Variants in TBC1D21 observed in about 807,000 individuals in gnomAD.
TBC1D21 encodes the protein TBC1 domain family member 21, also known as male germ cell Rab GTPase-activating protein.
In TBC1D21, 38 loss-of-function variants were observed where a neutral mutation model predicts 46.0. That is an observed-to-expected ratio of 0.83 (90% CI 0.64 to 1.08). TBC1D21 has a LOEUF of 1.08. Ranked by LOEUF, TBC1D21 falls within the 50% of genes least tolerant of loss-of-function variation. The pLI, the probability that TBC1D21 is intolerant of heterozygous loss-of-function variation, is 0.00. For missense variants in TBC1D21, 415 were observed against 417.9 expected (o/e 0.99, Z 0.06); for synonymous variants, 151 against 157.2 (o/e 0.96, Z 0.29).
chr15:73,890,824 C>T (rs140766664), downstream of TBC1D21, among the ~76,000 whole-genome samples: 122 of 152,312 alleles, frequency 8.0e-4, no homozygotes, highest in African/African-American at 2.6e-3. Context: ...AGGAGCCCAG[C>T]GGATGAAGTT....
intron 1 of TBC1D21, among the ~76,000 whole-genome samples, chr15:73,874,457 A>C (rs1453940234): frequency 6.6e-6 from 1 of 152,214 alleles, no homozygotes; most frequent in East Asian, 1.9e-4. Flanking sequence ...GAATGTTCTA[A>C]ATGCTTTATT....
At chr15:73,876,765 CT>C (rs953056444) in intron 1 of TBC1D21, among the ~76,000 whole-genome samples, 5 of 152,110 alleles carry the variant, frequency 3.3e-5, no homozygotes, top group Admixed American at 1.3e-4. Context: ...TTGTGTTTGA[CT>C]TTTTTTCGTA....
chr15:73,887,698 G>T lies in TBC1D21; in HGVS notation c.856G>T (p.Val286Leu). The T allele has an allele frequency of 6.2e-7, 1 of 1,613,972 alleles. No individual in the cohort carries two copies. Residue 286 changes from valine to leucine, a missense_variant, in exon 9 of 11, where the codon GTG becomes TTG. Coordinates refer to ENST00000300504, the MANE Select transcript of TBC1D21 (RefSeq NM_153356.3). Reference sequence around the variant, plus strand: ...CATGCTGCAGATGGTGCGGGAGCAGGTGCTGCAGGAAAGCATGGGCGGGGA... The same window carrying T: ...CATGCTGCAGATGGTGCGGGAGCAGTTGCTGCAGGAAAGCATGGGCGGGGA... ...YSMLQMVREQVLQESMGGDDI... is the reference protein window; with the variant it reads ...YSMLQMVREQLLQESMGGDDI...
At chr15:73,908,684 C>T in the TBC1D21 span, 1 of 152,712 alleles carries the variant, frequency 6.5e-6, no homozygotes, top group Non-Finnish European at 1.5e-5. Context: ...CTGACCACAG[C>T]AGCTGCTTAC....
chr15:73,886,351 A>G (rs1051292232), intron 7 of TBC1D21, among the ~76,000 whole-genome samples, 161 bp from the exon 8 acceptor site: 2 of 152,188 alleles, frequency 1.3e-5, no homozygotes, highest in Non-Finnish European at 2.9e-5. Flanking sequence ...GACAGTTGAA[A>G]GTTGACTCTA....
At chr15:73,888,967 T>C in intron 10 of TBC1D21, 102 bp from the exon 11 acceptor site, 1 of 1,419,304 alleles carries the variant, frequency 7.0e-7, no homozygotes, top group Non-Finnish European at 9.8e-7. Flanking sequence ...TCCCAGTGGG[T>C]CTGGGCACCC....
chr15:73,881,659 G>T lies in TBC1D21; in HGVS notation c.184G>T (p.Val62Leu), dbSNP rs778315942. The T allele has an allele frequency of 1.9e-6, 3 of 1,612,820 alleles. No homozygotes were observed. Among genetic ancestry groups the T allele is most frequent in the East Asian group, 4.5e-5 (2 of 44,760 alleles). Residue 62 changes from valine to leucine, a missense_variant, in exon 3 of 11, where the codon GTG (valine) becomes TTG (leucine). By Grantham distance (32) the Val-to-Leu change is conservative (BLOSUM62 1). Transcript: ENST00000300504. ...NILERGLHPF[V>L]RTEAWKFLTG... ...CCCACCCCAGGGTCTGCACCCCTTC[G>T]TGAGGACTGAAGCCTGGAAATTCCT...
the TBC1D21 span, among the ~76,000 whole-genome samples, chr15:73,896,821 G>A: frequency 6.6e-6 from 1 of 152,170 alleles, no homozygotes; most frequent in Admixed American, 6.5e-5. Context: ...GGAAATCCCA[G>A]CCCCCATTAG....
chr15:73,891,271 T>C (rs939104661), downstream of TBC1D21, among the ~76,000 whole-genome samples: 10 of 152,252 alleles, frequency 6.6e-5, no homozygotes, highest in Non-Finnish European at 1.2e-4. Flanking sequence ...GAGATAGAAC[T>C]ACAGGAAGCA....
chr15:73,904,614 C>T, the TBC1D21 span, among the ~76,000 whole-genome samples: 2 of 152,084 alleles, frequency 1.3e-5, no homozygotes, highest in Admixed American at 1.3e-4. Context: ...AGGGCAGAAT[C>T]AGCTTGGGGG....
downstream of TBC1D21, among the ~76,000 whole-genome samples, chr15:73,890,058 C>T (rs2068323994): frequency 6.6e-6 from 1 of 152,226 alleles, no homozygotes; most frequent in Admixed American, 6.5e-5. Flanking sequence ...CTGCCCTGCC[C>T]AGTGACTACA....
intron 1 of TBC1D21, among the ~76,000 whole-genome samples, chr15:73,879,482 T>C (rs1226411192): frequency 6.6e-6 from 1 of 152,108 alleles, no homozygotes; most frequent in Non-Finnish European, 1.5e-5. Flanking sequence ...CCTTCCAAAG[T>C]GCTGGGATTA....
At position 73,885,010 on chromosome 15, in the gene TBC1D21, G is replaced by T; in HGVS notation, c.486G>T (p.Gln162His). 1 of 1,546,792 alleles carries T rather than the reference G, an allele frequency of 6.5e-7. No homozygotes were observed. The highest frequency in any genetic ancestry group is 1.1e-5 in the South Asian group (1 of 89,742). ...SYVCNTQAEY[Q>H]QGFHEMMMLF... ...ACCCCCTCTTCGCCACAGAGTACCA[G>T]CAGGGCTTCCATGAGATGATGATGC... is the stretch of plus-strand genomic sequence containing the variant. Residue 162 changes from glutamine to histidine, a missense_variant, in exon 6 of 11, where the codon CAG (glutamine) becomes CAT (histidine). Transcript: ENST00000300504.
chr15:73,908,413 A>C, the TBC1D21 span: 2 of 152,340 alleles, frequency 1.3e-5, no homozygotes, highest in Non-Finnish European at 2.9e-5. Context: ...CCTGGCTCTC[A>C]GCGCTCTCCT....
At chr15:73,906,389 C>T in the TBC1D21 span, among the ~76,000 whole-genome samples, 1 of 152,130 alleles carries the variant, frequency 6.6e-6, no homozygotes, top group East Asian at 1.9e-4. Flanking sequence ...TCTGAATCTT[C>T]CCACCCAAAT....
chr15:73,884,050 C>T, intron 3 of TBC1D21, 101 bp from the exon 4 acceptor site: 2 of 941,484 alleles, frequency 2.1e-6, no homozygotes, highest in Non-Finnish European at 1.7e-6. Flanking sequence ...GGTGAGGGTG[C>T]TGCCCTGGAT....
At chr15:73,900,468 C>T in the TBC1D21 span, among the ~76,000 whole-genome samples, 1 of 152,138 alleles carries the variant, frequency 6.6e-6, no homozygotes, top group Non-Finnish European at 1.5e-5. Context: ...AGAGAAGAGA[C>T]CTTCATATGA....
At chr15:73,907,258 G>C in the TBC1D21 span, among the ~76,000 whole-genome samples, 1 of 152,176 alleles carries the variant, frequency 6.6e-6, no homozygotes, top group African/African-American at 2.4e-5. Flanking sequence ...GCCACAAACT[G>C]TCTGTCAACA....
chr15:73,888,933 C>A, intron 10 of TBC1D21, 136 bp from the exon 11 acceptor site: 1 of 1,023,584 alleles, frequency 9.8e-7, no homozygotes, highest in Admixed American at 2.0e-5. Flanking sequence ...GAGCAGGGCC[C>A]TCATCCCCCA....
Sources: allele counts gnomAD v4.1 joint callset (sites outside exome capture counted in the v4.1 genomes callset), GRCh38; gene constraint gnomAD v4.1.1; transcripts MANE v1.5; gene names NCBI Gene and HGNC (gene_info 2026-07-23, HGNC 2026-07-21).